The following TXNDC5 variants were observed in gnomAD, a reference collection of about 807,000 sequenced individuals.
TXNDC5 encodes thioredoxin domain containing 5.
Under a neutral mutation model 52.6 loss-of-function variants are expected in TXNDC5, and 44 were observed. The ratio of observed to expected loss-of-function variants is 0.84; its 90% CI spans 0.66 to 1.08. TXNDC5 has a LOEUF of 1.08. TXNDC5 is among the 50% of genes least tolerant of loss of function. The probability of loss-of-function intolerance (pLI) is 0.00; values close to 1 mark genes in which losing one functional copy is unlikely to be tolerated. For synonymous variants in TXNDC5, 241 were observed against 234.4 expected, an observed-to-expected ratio of 1.03 and a Z score of -0.26; for missense variants, 600 against 565.5, an observed-to-expected ratio of 1.06 and a Z score of -0.62.
chr6:7,890,346 G>C (rs1211981110), intron 5 of TXNDC5, among the ~76,000 whole-genome samples: 1 of 152,002 alleles, frequency 6.6e-6, no homozygotes, highest in Non-Finnish European at 1.5e-5. Context: ...TCAGAGAGCA[G>C]CTAAGGTGCG....
intron 2 of TXNDC5, among the ~76,000 whole-genome samples, chr6:7,900,563 T>C (rs1238078355): frequency 1.3e-5 from 2 of 152,240 alleles, no homozygotes; most frequent in Admixed American, 6.5e-5. Context: ...GGTATCAGAA[T>C]TGTAAGACGG....
intron 2 of TXNDC5, among the ~76,000 whole-genome samples, chr6:7,900,904 TG>T (rs1156690351): frequency 6.6e-6 from 1 of 152,146 alleles, no homozygotes; most frequent in Non-Finnish European, 1.5e-5. Context: ...TTGCCAGCAT[TG>T]GGGATTAGGA....
chr6:7,901,651 G>A lies in TXNDC5; in HGVS notation c.414-1970C>T, dbSNP rs550743376. Reference sequence around the variant, plus strand: ...ACATCTGACTTCAATTCTCACTGTCGACAGGGGTGAGGGAGGTGATGGAGA... The same window carrying A: ...ACATCTGACTTCAATTCTCACTGTCAACAGGGGTGAGGGAGGTGATGGAGA... On this transcript the variant is annotated intron_variant, in intron 2 of 9. Transcript: ENST00000379757. 5.3e-5 allele frequency among the ~76,000 whole-genome samples: 8 copies of A among 152,290 alleles called. No homozygotes were observed. The South Asian group carries it at 1.0e-3, about 20-fold the overall frequency.
chr6:7,888,902 A>T, intron 6 of TXNDC5, 54 bp from the exon 7 acceptor site: 1 of 1,530,656 alleles, frequency 6.5e-7, no homozygotes. Flanking sequence ...GTTCTGAATC[A>T]CTTAAGCCTT....
At position 7,883,067 on chromosome 6, in the gene TXNDC5, C is replaced by T. The variant is rs1561803520; in HGVS notation, c.*77G>A. ...TTCTGAACAGCCACCACTGGGAACC[C>T]AGTGGCCTCTGTGGGACTGAACTCC... On this transcript the variant is annotated 3_prime_UTR_variant, in exon 10 of 10. Coordinates refer to ENST00000379757, the MANE Select transcript of TXNDC5 (RefSeq NM_030810.5). 4.4e-6 allele frequency: 7 copies of T among 1,598,560 alleles called. No homozygotes were observed. Among genetic ancestry groups the T allele is most frequent in the Non-Finnish European group, 4.3e-6 (5 of 1,169,558 alleles).
rs1404170927 is a variant in TXNDC5 at position 7,891,722 on chromosome 6, T to C, written c.631A>G (p.Lys211Glu). The change falls in exon 5 of 10, where the codon AAG becomes GAG. Residue 211 changes from lysine (K) to glutamate (E), a missense_variant. By Grantham distance (56) the Lys-to-Glu change is moderately conservative. Transcript: ENST00000379757. ...TGACCACACCACGGAGCGAAGAACT[T>C]GATAAAGTGGTCGCCTGGAGTGGAG... ...LHVAQGDHFI[K>E]FFAPWCGHCK... 6.2e-7 allele frequency: 1 copy of C among 1,613,552 alleles called. No individual in the cohort carries two copies. The highest frequency in any genetic ancestry group is 1.7e-5 in the Admixed American group (1 of 59,976).
chr6:7,885,831 TACA>T (rs762246542), intron 8 of TXNDC5, 127 bp downstream of exon 8: 8 of 749,862 alleles, frequency 1.1e-5, no homozygotes, highest in Non-Finnish European at 1.5e-5. Flanking sequence ...CCTTATTTCC[TACA>T]ACATGACCTA....
rs1274104485 is a variant in TXNDC5 at position 7,899,647 on chromosome 6, TCA to T, written c.446_447del (p.Val149GlufsTer44). 6.2e-7 allele frequency: 1 copy of T among 1,614,070 alleles called. No individual in the cohort carries two copies. Among genetic ancestry groups the T allele is most frequent in the Non-Finnish European group, 8.5e-7 (1 of 1,179,986 alleles). Reference sequence around the variant, plus strand: ...TGGAAGTCCCGAGGACCCTGGTACTTCACAGCTTCTTGGCCTGGCTTGAAAAG... The same window carrying T: ...TGGAAGTCCCGAGGACCCTGGTACTTCAGCTTCTTGGCCTGGCTTGAAAAG... The part of the protein sequence containing the change: ...LKLFKPGQEA[V>X]KYQGPRDFQT... On this transcript the variant is annotated frameshift_variant, in exon 3 of 10. Coordinates refer to ENST00000379757, the MANE Select transcript of TXNDC5 (RefSeq NM_030810.5). LOFTEE classifies it high-confidence loss of function.
intron 3 of TXNDC5, among the ~76,000 whole-genome samples, chr6:7,897,690 G>A (rs1165497463): frequency 6.6e-6 from 1 of 152,112 alleles, no homozygotes; most frequent in Non-Finnish European, 1.5e-5. Context: ...AGGTGAGGCC[G>A]CCACCTCCAC....
intron 2 of TXNDC5, among the ~76,000 whole-genome samples, chr6:7,902,303 T>C (rs915218123): frequency 6.6e-6 from 1 of 152,158 alleles, no homozygotes; most frequent in Non-Finnish European, 1.5e-5. Context: ...ACACAGGTAG[T>C]TCCCCCCGTC....
At chr6:7,905,467 C>G (rs530967240) in intron 1 of TXNDC5, among the ~76,000 whole-genome samples, 4 of 152,328 alleles carry the variant, frequency 2.6e-5, no homozygotes, top group African/African-American at 7.2e-5. Context: ...AAGCAAATGT[C>G]TATTCTTAGT....
chr6:7,891,266 G>A (rs899028647), intron 5 of TXNDC5, among the ~76,000 whole-genome samples: 1 of 152,128 alleles, frequency 6.6e-6, no homozygotes, highest in African/African-American at 2.4e-5. Context: ...TTTAGAGAGA[G>A]CTCTTGGGTG....
chr6:7,883,832 CAA>C (rs1491450708), intron 9 of TXNDC5, among the ~76,000 whole-genome samples: 4 of 152,132 alleles, frequency 2.6e-5, no homozygotes, highest in African/African-American at 9.7e-5. Context: ...AAAAAAATGA[CAA>C]ATCTTCCAGG....
chr6:7,883,746 T>C (rs1231840669), intron 9 of TXNDC5, among the ~76,000 whole-genome samples: 1 of 152,170 alleles, frequency 6.6e-6, no homozygotes, highest in Non-Finnish European at 1.5e-5. Flanking sequence ...TATCTTTTAA[T>C]GATAAGGAAA....
chr6:7,904,183 C>A (rs1760663566), intron 2 of TXNDC5, among the ~76,000 whole-genome samples: 1 of 152,176 alleles, frequency 6.6e-6, no homozygotes, highest in South Asian at 2.1e-4. Flanking sequence ...TACTTTCTTT[C>A]CAACAGGAAC....
intron 2 of TXNDC5, chr6:7,900,236 C>A (rs989292153): frequency 6.6e-6 from 1 of 152,272 alleles, no homozygotes. Flanking sequence ...GGAATCTTTT[C>A]TTTTTCCTAC....
In TXNDC5 at chr6:7,887,184, T is replaced by C. The variant is rs114294898; in HGVS notation, c.964-1141A>G. Among the ~76,000 whole-genome samples the C allele has an allele frequency of 8.4e-3, 1,272 of 152,030 alleles. 13 individuals carry two copies. The highest frequency in any genetic ancestry group is 0.028 in the African/African-American group (1,160 of 41,540). ...ACAGGGTTGTAGGGGTGAGGAGGCC[T>C]GGTGTGGCCCCACCAGGGAGGAGGG... is the stretch of plus-strand genomic sequence containing the variant. On this transcript the variant is annotated intron_variant, in intron 7 of 9. Transcript: ENST00000379757.
At chr6:7,908,620 G>A (rs532806274) in intron 1 of TXNDC5, among the ~76,000 whole-genome samples, 1 of 152,086 alleles carries the variant, frequency 6.6e-6, no homozygotes, top group East Asian at 1.9e-4. Flanking sequence ...CCAGGAGTTT[G>A]AGACCAGCCC....
At chr6:7,891,590 C>A (rs1187526555) in intron 5 of TXNDC5, 31 bp downstream of exon 5, 5 of 1,575,986 alleles carry the variant, frequency 3.2e-6, no homozygotes, top group Non-Finnish European at 4.4e-6. Context: ...CAAAGCAGTC[C>A]ATTTCCAGTT....
Sources: gnomAD v4.1 joint callset for allele counts (sites outside exome capture counted in the v4.1 genomes callset) on GRCh38, gnomAD v4.1.1 for gene constraint, MANE v1.5 for transcripts, NCBI Gene and HGNC (gene_info 2026-07-23, HGNC 2026-07-21) for gene names.